Variants in VWC2 observed in about 807,000 individuals in gnomAD.
VWC2 encodes brorin.
In VWC2, 14 loss-of-function variants were observed where a neutral mutation model predicts 29.8. The ratio of observed to expected loss-of-function variants is 0.47; its 90% CI spans 0.31 to 0.74. The LOEUF (loss-of-function observed/expected upper bound fraction) is 0.74, where lower values mean the gene tolerates loss of function less well. Among genes scored for constraint, VWC2 ranks in the 30% least tolerant of loss-of-function variants. VWC2 has a pLI of 0.05. For missense variants in VWC2, 457 were observed against 459.8 expected, an observed-to-expected ratio of 0.99 and a Z score of 0.05; for synonymous variants, 213 against 199.0, an observed-to-expected ratio of 1.07 and a Z score of -0.59.
At chr7:49,848,280 C>T (rs1391799136) in intron 3 of VWC2, among the ~76,000 whole-genome samples, 1 of 152,198 alleles carries the variant, frequency 6.6e-6, no homozygotes, top group East Asian at 1.9e-4. Context: ...ACCCTCCCAC[C>T]TCCACTCAGA....
At chr7:49,826,830 C>G (rs1476321721) in intron 3 of VWC2, among the ~76,000 whole-genome samples, 1 of 152,124 alleles carries the variant, frequency 6.6e-6, no homozygotes, top group Non-Finnish European at 1.5e-5. Context: ...TTAACAGACT[C>G]TGGCCCCTGA....
At position 49,847,112 on chromosome 7, in the gene VWC2, G is replaced by A. The variant is rs555407544; in HGVS notation, c.826+44272G>A. Among the ~76,000 whole-genome samples, 12 of 151,914 alleles carry A rather than the reference G, an allele frequency of 7.9e-5. No individual in the cohort carries two copies. In the South Asian group the frequency reaches 2.5e-3, roughly 32 times the overall value. ...TAAAAGAATAGCAAGCTGTAGAGAG[G>A]GACTTGTGACACGAATAGGTGTATT... On this transcript the variant is annotated intron_variant, in intron 3 of 3. Coordinates refer to ENST00000340652, the MANE Select transcript of VWC2 (RefSeq NM_198570.5).
intron 2 of VWC2, among the ~76,000 whole-genome samples, chr7:49,798,696 C>A (rs573543747): frequency 1.3e-5 from 2 of 152,080 alleles, no homozygotes; most frequent in Non-Finnish European, 2.9e-5. Flanking sequence ...CTGGAGGACT[C>A]GTGTGGAGTT....
At chr7:49,899,635 A>G (rs977285598) in intron 3 of VWC2, among the ~76,000 whole-genome samples, 10 of 152,014 alleles carry the variant, frequency 6.6e-5, no homozygotes, top group African/African-American at 1.9e-4. Context: ...CAGGTCTTCA[A>G]TATGCATTTG....
At chr7:49,831,518 G>A (rs1483796) in intron 3 of VWC2, among the ~76,000 whole-genome samples, 51,503 of 152,030 alleles carry the variant, frequency 0.34, 9,198 homozygotes, top group Middle Eastern at 0.4. Context: ...TAGCATGATA[G>A]GGCGCACATG....
At chr7:49,835,509 C>A (rs936097893) in intron 3 of VWC2, among the ~76,000 whole-genome samples, 4 of 152,140 alleles carry the variant, frequency 2.6e-5, no homozygotes, top group African/African-American at 9.7e-5. Flanking sequence ...CAGACAGCTG[C>A]AGTAAGGGAG....
intron 3 of VWC2, among the ~76,000 whole-genome samples, chr7:49,838,496 G>T (rs111507937): frequency 0.014 from 2,194 of 151,986 alleles, 35 homozygotes; most frequent in African/African-American, 0.036. Flanking sequence ...GATGGGAGCC[G>T]GGAGGCTGCC....
intron 3 of VWC2, among the ~76,000 whole-genome samples, chr7:49,813,435 T>C (rs1367234488): frequency 1.3e-5 from 2 of 152,328 alleles, no homozygotes; most frequent in African/African-American, 2.4e-5. Flanking sequence ...ACAAACACTG[T>C]GTGCTTCTGT....
At chr7:49,869,702 G>C (rs1010482186) in intron 3 of VWC2, among the ~76,000 whole-genome samples, 1 of 152,138 alleles carries the variant, frequency 6.6e-6, no homozygotes, top group Non-Finnish European at 1.5e-5. Flanking sequence ...AAAGCCACTG[G>C]ACTGCTTGTA....
intron 3 of VWC2, among the ~76,000 whole-genome samples, chr7:49,809,083 C>G (rs1436318748): frequency 6.6e-6 from 1 of 151,770 alleles, no homozygotes; most frequent in African/African-American, 2.4e-5. Flanking sequence ...TAAATAAAAC[C>G]AAGTTAGTTT....
chr7:49,872,465 A>C (rs191230251), intron 3 of VWC2, among the ~76,000 whole-genome samples: 2 of 152,288 alleles, frequency 1.3e-5, no homozygotes, highest in Non-Finnish European at 2.9e-5. Flanking sequence ...TAAAACTCTA[A>C]GTGTAGGGAA....
intron 3 of VWC2, among the ~76,000 whole-genome samples, chr7:49,812,050 G>A (rs116860426): frequency 0.023 from 3,426 of 152,214 alleles, 64 homozygotes; most frequent in Non-Finnish European, 0.037. Flanking sequence ...TACAGAAGCT[G>A]TTGCAAAAGA....
At chr7:49,792,711 G>A (rs1271138971) in intron 2 of VWC2, among the ~76,000 whole-genome samples, 2 of 152,228 alleles carry the variant, frequency 1.3e-5, no homozygotes, top group Non-Finnish European at 2.9e-5. Flanking sequence ...CATCTGCGCT[G>A]TGTCCAGCTT....
chr7:49,787,892 T>A (rs1292505719), intron 2 of VWC2, among the ~76,000 whole-genome samples: 1 of 152,144 alleles, frequency 6.6e-6, no homozygotes, highest in East Asian at 1.9e-4. Context: ...TGCTTCTAGG[T>A]AACAGCAAGG....
intron 2 of VWC2, among the ~76,000 whole-genome samples, chr7:49,778,717 A>T (rs1200120902): frequency 6.6e-6 from 1 of 152,208 alleles, no homozygotes; most frequent in African/African-American, 2.4e-5. Context: ...GCAGTAATGG[A>T]GATTTGTCAT....
intron 3 of VWC2, among the ~76,000 whole-genome samples, chr7:49,908,576 TTA>T (rs1450158329): frequency 6.6e-5 from 10 of 152,264 alleles, no homozygotes; most frequent in African/African-American, 2.2e-4. Flanking sequence ...ATGTGTGTTT[TTA>T]TGTGTTCCTA....
intron 2 of VWC2, among the ~76,000 whole-genome samples, chr7:49,796,024 G>A (rs1052881990): frequency 1.3e-5 from 2 of 152,124 alleles, no homozygotes; most frequent in Non-Finnish European, 2.9e-5. Context: ...ATCTGGGAAG[G>A]GGGCAGACGA....
At position 49,817,319 on chromosome 7, in the gene VWC2, G is replaced by A. The variant is rs953187166; in HGVS notation, c.826+14479G>A. ...CAATAAAACTGTTCATCCTCAGGCA[G>A]ATATCTTTACCACATCCACAGCATG... On this transcript the variant is annotated intron_variant, in intron 3 of 3. Coordinates refer to ENST00000340652, the MANE Select transcript of VWC2 (RefSeq NM_198570.5). 2.6e-5 allele frequency among the ~76,000 whole-genome samples: 4 copies of A among 152,192 alleles called. No individual in the cohort carries two copies. In the East Asian group the frequency reaches 7.7e-4, roughly 29 times the overall value.
intron 3 of VWC2, among the ~76,000 whole-genome samples, chr7:49,868,617 G>C (rs1303344989): frequency 6.6e-6 from 1 of 152,060 alleles, no homozygotes; most frequent in Non-Finnish European, 1.5e-5. Context: ...CTCATGTAGG[G>C]AGTTTTTTGT....
Sources: allele counts gnomAD v4.1 joint callset (sites outside exome capture counted in the v4.1 genomes callset), GRCh38; gene constraint gnomAD v4.1.1; transcripts MANE v1.5; gene names NCBI Gene and HGNC (gene_info 2026-07-23, HGNC 2026-07-21).